Variants in SLC22A3 observed in about 807,000 individuals in gnomAD.
SLC22A3 encodes the protein EMT organic cation transporter 3.
In SLC22A3, 51 loss-of-function variants were observed where a neutral mutation model predicts 59.1. That is an observed-to-expected ratio of 0.86 (90% confidence interval 0.69 to 1.09). The LOEUF (loss-of-function observed/expected upper bound fraction) is 1.09, where lower values mean the gene tolerates loss of function less well. SLC22A3 is among the 50% of genes least tolerant of loss of function. The pLI, the probability that SLC22A3 is intolerant of heterozygous loss-of-function variation, is 0.00. For missense variants in SLC22A3, 711 were observed against 726.3 expected, an observed-to-expected ratio of 0.98 and a Z score of 0.24; for synonymous variants, 325 against 292.0, an observed-to-expected ratio of 1.11 and a Z score of -1.15.
chr6:160,365,015 A>G (rs540193420), intron 1 of SLC22A3, among the ~76,000 whole-genome samples: 136 of 152,274 alleles, frequency 8.9e-4, no homozygotes, highest in Non-Finnish European at 1.4e-3. Flanking sequence ...CATAGTAAGT[A>G]TATTTACATA....
At chr6:160,427,397 C>G (rs1393494771) in intron 5 of SLC22A3, among the ~76,000 whole-genome samples, 1 of 152,136 alleles carries the variant, frequency 6.6e-6, no homozygotes, top group Non-Finnish European at 1.5e-5. Context: ...TTGACCTGTG[C>G]AGAAAGCACT....
chr6:160,372,901 C>G lies in SLC22A3; in HGVS notation c.429+24053C>G, dbSNP rs140239189. The stretch of plus-strand genomic sequence containing the variant: ...TTATTCTAGTTAGCAATTCATATAA[C>G]CTTTTTTCAAGGTTCTTAGCTTCCT... On this transcript the variant is annotated intron_variant, in intron 1 of 10. Transcript: ENST00000275300. Among the ~76,000 whole-genome samples the G allele has an allele frequency of 2.4e-3, 368 of 152,160 alleles. 5 individuals carry two copies. The highest frequency in any genetic ancestry group is 0.014 in the Middle Eastern group (4 of 294).
chr6:160,379,517 T>C (rs1184399590), intron 1 of SLC22A3, among the ~76,000 whole-genome samples: 3 of 152,246 alleles, frequency 2.0e-5, no homozygotes, highest in African/African-American at 7.2e-5. Context: ...TTTTTCCAAA[T>C]CAAAGAACCA....
chr6:160,351,154 C>T (rs1400729723), intron 1 of SLC22A3, among the ~76,000 whole-genome samples: 2 of 152,214 alleles, frequency 1.3e-5, no homozygotes, highest in Admixed American at 6.5e-5. Context: ...CTCTCTCTGT[C>T]GCCCAGGCTG....
intron 1 of SLC22A3, among the ~76,000 whole-genome samples, chr6:160,385,636 C>T (rs1321871211): frequency 2.0e-5 from 3 of 152,232 alleles, no homozygotes; most frequent in Non-Finnish European, 4.4e-5. Flanking sequence ...GGCTCCTGCA[C>T]AACTGGACCC....
intron 5 of SLC22A3, among the ~76,000 whole-genome samples, chr6:160,431,288 G>T (rs1402136909): frequency 6.6e-6 from 1 of 152,114 alleles, no homozygotes; most frequent in Non-Finnish European, 1.5e-5. Context: ...TAATAGTGGC[G>T]GCCGCCACGG....
At chr6:160,402,473 A>G (rs761473923) in intron 2 of SLC22A3, among the ~76,000 whole-genome samples, 5 of 151,892 alleles carry the variant, frequency 3.3e-5, no homozygotes, top group Admixed American at 6.6e-5. Context: ...GGAAATGGTC[A>G]GATTCAACAG....
At position 160,415,693 on chromosome 6, in the gene SLC22A3, A is replaced by G. The variant is rs114837473; in HGVS notation, c.975+4847A>G. On this transcript the variant is annotated intron_variant, in intron 5 of 10. Transcript: ENST00000275300. The surrounding 1 kb of genome is among the most constrained non-coding windows in gnomAD (Gnocchi z 4.1). ...CCACCTCATTCTCAGGGTGCCCATT[A>G]TAGGGTGCGGAGAAGGTTAGAATGG... 1.3e-3 allele frequency among the ~76,000 whole-genome samples: 195 copies of G among 152,298 alleles called. 1 individual carries two copies. The highest frequency in any genetic ancestry group is 4.5e-3 in the African/African-American group (187 of 41,556).
chr6:160,348,480 G>C lies in SLC22A3; in HGVS notation c.61G>C (p.Val21Leu). 6.4e-7 allele frequency: 1 copy of C among 1,551,166 alleles called. No homozygotes were observed. The highest frequency in any genetic ancestry group is 8.7e-7 in the Non-Finnish European group (1 of 1,154,242). The change falls in exon 1 of 11, where the codon GTG (valine) becomes CTG (leucine). Residue 21 changes from valine to leucine, a missense_variant. Val to Leu is a conservative substitution (Grantham distance 32). Coordinates refer to ENST00000275300, the MANE Select transcript of SLC22A3 (RefSeq NM_021977.4). ...CGAGTTCGGGCGCTTCCAGAGGCGC[G>C]TGTTTTTGCTGCTGTGCCTGACGGG... The part of the protein sequence containing the change: ...VGEFGRFQRR[V>L]FLLLCLTGVT...
At chr6:160,402,829 T>G (rs1049879057) in intron 2 of SLC22A3, among the ~76,000 whole-genome samples, 1 of 151,612 alleles carries the variant, frequency 6.6e-6, no homozygotes, top group Non-Finnish European at 1.5e-5. Flanking sequence ...CAAGAGTAAT[T>G]AAAAAGTATA....
At chr6:160,380,581 T>G (rs1785760056) in intron 1 of SLC22A3, among the ~76,000 whole-genome samples, 1 of 152,192 alleles carries the variant, frequency 6.6e-6, no homozygotes, top group African/African-American at 2.4e-5. Flanking sequence ...GACAAAGGTC[T>G]AGAAAAATAT....
chr6:160,378,583 C>A (rs931853950), intron 1 of SLC22A3, among the ~76,000 whole-genome samples: 4 of 152,120 alleles, frequency 2.6e-5, no homozygotes, highest in African/African-American at 9.7e-5. Context: ...CGTGGAATGT[C>A]TGGTGGACAG....
intron 10 of SLC22A3, among the ~76,000 whole-genome samples, chr6:160,449,239 G>C (rs1316772461): frequency 6.6e-6 from 1 of 151,978 alleles, no homozygotes; most frequent in Admixed American, 6.5e-5. Context: ...TTTGTTTTTG[G>C]CTTGGGGAGT....
chr6:160,369,098 A>G (rs1785305965), intron 1 of SLC22A3, among the ~76,000 whole-genome samples: 1 of 152,214 alleles, frequency 6.6e-6, no homozygotes, highest in African/African-American at 2.4e-5. Context: ...CATAATTTCC[A>G]AGTGCCTACT....
chr6:160,380,998 T>C (rs999834952), intron 1 of SLC22A3, among the ~76,000 whole-genome samples: 1 of 152,158 alleles, frequency 6.6e-6, no homozygotes, highest in Non-Finnish European at 1.5e-5. Flanking sequence ...TATTGGTGAA[T>C]ATGCCAGTGC....
At chr6:160,368,896 T>C (rs924136240) in intron 1 of SLC22A3, among the ~76,000 whole-genome samples, 8 of 152,220 alleles carry the variant, frequency 5.3e-5, no homozygotes, top group South Asian at 2.1e-4. Context: ...TTGCATATTC[T>C]GTCCAAGCTC....
chr6:160,451,038 T>TGTC lies in SLC22A3; in HGVS notation c.1653_1654insGTC (p.Val551dup). ...GTGGCAGGAATAAGAAAACCCCAGT[T>TGTC]TCCCGCTCTCACCTTTGAGGCCCCC... On this transcript the variant is annotated inframe_insertion, in exon 11 of 11. Transcript: ENST00000275300. The TGTC allele has an allele frequency of 1.9e-6, 3 of 1,594,974 alleles. No homozygotes were observed. In the South Asian group the frequency reaches 3.4e-5, roughly 18 times the overall value.
intron 7 of SLC22A3, among the ~76,000 whole-genome samples, chr6:160,440,959 T>C (rs548619125): frequency 6.6e-6 from 1 of 151,930 alleles, no homozygotes; most frequent in South Asian, 2.1e-4. Flanking sequence ...CATGGTGGAG[T>C]GTGTGTGTGT....
chr6:160,418,251 T>C (rs937943974), intron 5 of SLC22A3, among the ~76,000 whole-genome samples: 8 of 152,182 alleles, frequency 5.3e-5, no homozygotes, highest in African/African-American at 1.9e-4. Context: ...CTGAGTCTTC[T>C]AGCTTTCATC....
Sources: gnomAD v4.1 joint callset for allele counts (sites outside exome capture counted in the v4.1 genomes callset) on GRCh38, gnomAD v4.1.1 for gene constraint, Gnocchi (gnomAD v3.1) non-coding constraint, MANE v1.5 for transcripts, NCBI Gene and HGNC (gene_info 2026-07-23, HGNC 2026-07-21) for gene names.